The following H6PD variants were observed in gnomAD, a reference collection of about 807,000 sequenced individuals.
The protein encoded by H6PD is hexose-6-phosphate dehydrogenase/glucose 1-dehydrogenase, also known as GDH/6PGL endoplasmic bifunctional protein.
Under a neutral mutation model 61.2 loss-of-function variants are expected in H6PD, and 48 were observed. That is an observed-to-expected ratio of 0.78 (90% CI 0.62 to 1.00). H6PD has a LOEUF of 1.00. H6PD is among the 50% of genes least tolerant of loss of function. The pLI, the probability that H6PD is intolerant of heterozygous loss-of-function variation, is 0.00. For missense variants in H6PD, 1,093 were observed against 1,065.0 expected (o/e 1.03, Z -0.37); for synonymous variants, 480 against 457.9 (o/e 1.05, Z -0.62).
Position 9,244,918 on chromosome 1 carries a change from ACCC to A in H6PD, c.-10-5_-10-3del. On this transcript the variant is annotated splice_region_variant and splice_polypyrimidine_tract_variant and intron_variant, in intron 1 of 4. Coordinates refer to ENST00000377403, the MANE Select transcript of H6PD (RefSeq NM_004285.4). ...TTGTTCCTCGTCTGTCTCTCTTTGC[ACCC>A]CAGGCACCCAGGCATGTGGAATATG... is the stretch of plus-strand genomic sequence containing the variant. 2 of 1,604,770 alleles carry A rather than the reference ACCC, an allele frequency of 1.2e-6. No individual in the cohort carries two copies. The highest frequency in any genetic ancestry group is 1.7e-6 in the Non-Finnish European group (2 of 1,174,042).
chr1:9,238,142 TAGTG>T (rs749184648), intron 1 of H6PD, among the ~76,000 whole-genome samples: 94 of 151,964 alleles, frequency 6.2e-4, no homozygotes, highest in Non-Finnish European at 1.1e-3. Flanking sequence ...AAAGAAAAAT[TAGTG>T]AGGGAGTAAA....
Position 9,245,335 on chromosome 1 carries a change from G to A in H6PD, c.401G>A (p.Arg134Gln), listed in dbSNP as rs763867116. 1.8e-5 allele frequency: 29 copies of A among 1,614,048 alleles called. 1 individual carries two copies. Among genetic ancestry groups the A allele is most frequent in the South Asian group, 6.6e-5 (6 of 91,086 alleles). ...IEAQLQHAGL[R>Q]EAGRIFYFSV... ...GCACAGCTCCAGCACGCAGGCCTCC[G>A]GGAGGCTGGCAGGATCTTCTACTTC... Residue 134 changes from arginine (R) to glutamine (Q), a missense_variant, in exon 2 of 5, where the codon CGG (arginine) becomes CAG (glutamine). Arg to Gln is a conservative substitution (Grantham distance 43). Transcript: ENST00000377403. This position sits in a 1 kb window ranked among gnomAD's most constrained non-coding sequence, Gnocchi z 4.8.
intron 1 of H6PD, among the ~76,000 whole-genome samples, chr1:9,244,487 C>T (rs1641098887): frequency 6.6e-6 from 1 of 152,204 alleles, no homozygotes; most frequent in Non-Finnish European, 1.5e-5. Context: ...GTCCTGCCCT[C>T]TCACTGTTCC....
intron 1 of H6PD, among the ~76,000 whole-genome samples, chr1:9,236,856 T>A (rs1439389789): frequency 1.3e-5 from 2 of 152,108 alleles, no homozygotes; most frequent in African/African-American, 4.8e-5. Context: ...TCCAGAATAT[T>A]CTTATGTAAC....
chr1:9,262,390 A>G, intron 4 of H6PD, 62 bp downstream of exon 4: 1 of 1,457,642 alleles, frequency 6.9e-7, no homozygotes, highest in South Asian at 1.2e-5. Context: ...CAGCTTTCCA[A>G]ATGCAGACGC....
intron 3 of H6PD, among the ~76,000 whole-genome samples, chr1:9,258,229 A>G (rs1209961343): frequency 6.6e-6 from 1 of 151,890 alleles, no homozygotes; most frequent in Non-Finnish European, 1.5e-5. Context: ...TGCTGTTGTT[A>G]CGCTGGTGGT....
chr1:9,256,588 G>A (rs12082862), intron 3 of H6PD, among the ~76,000 whole-genome samples: 3,760 of 152,290 alleles, frequency 0.025, 135 homozygotes, highest in African/African-American at 0.078. Flanking sequence ...CTGGCGCCAT[G>A]GACCCAGAGT....
intron 3 of H6PD, among the ~76,000 whole-genome samples, chr1:9,261,603 A>T (rs984028720): frequency 2.6e-5 from 4 of 152,184 alleles, no homozygotes; most frequent in Non-Finnish European, 5.9e-5. Context: ...AGGATGCAGG[A>T]ACAAAAGTCA....
At position 9,261,650 on chromosome 1, in the gene H6PD, G is replaced by A. The variant is rs151228484; in HGVS notation, c.746-409G>A. On this transcript the variant is annotated intron_variant, in intron 3 of 4. Coordinates refer to ENST00000377403, the MANE Select transcript of H6PD (RefSeq NM_004285.4). ...CAAGATCACATGCTAGTAAGTGGCA[G>A]TCATACTCTGGGGTGCTGCAGCCCC... 3.9e-3 allele frequency among the ~76,000 whole-genome samples: 601 copies of A among 152,314 alleles called. 2 individuals carry two copies. The highest frequency in any genetic ancestry group is 7.0e-3 in the Non-Finnish European group (474 of 68,026).
In H6PD at chr1:9,265,013, C is replaced by T; in HGVS notation, c.*144C>T. 1.2e-6 allele frequency: 1 copy of T among 854,310 alleles called. No homozygotes were observed. The highest frequency in any genetic ancestry group is 2.0e-5 in the Admixed American group (1 of 50,214). 52.9% of individuals were successfully genotyped at this position (854,310 alleles called of 1,614,324 possible). A position where few individuals can be genotyped will look rare whatever the true frequency, so the allele number is the denominator to read the frequency against. ...CAGTCAGGCCCCAGAGAGGGCAGGA[C>T]AAGCCTTGTCCCGATGCCTTTGACC... On this transcript the variant is annotated 3_prime_UTR_variant, in exon 5 of 5. Coordinates refer to ENST00000377403, the MANE Select transcript of H6PD (RefSeq NM_004285.4).
chr1:9,238,130 G>C (rs1206289944), intron 1 of H6PD, among the ~76,000 whole-genome samples: 1 of 152,100 alleles, frequency 6.6e-6, no homozygotes, highest in East Asian at 1.9e-4. Flanking sequence ...TGACATTTTA[G>C]CAAAGAAAAA....
chr1:9,246,768 T>C (rs1641186968), intron 2 of H6PD, among the ~76,000 whole-genome samples, 198 bp from the exon 3 acceptor site: 1 of 152,240 alleles, frequency 6.6e-6, no homozygotes, highest in Non-Finnish European at 1.5e-5. Flanking sequence ...AATACAAATC[T>C]GGTAACCCTT....
chr1:9,258,859 CTGT>C lies in H6PD; in HGVS notation c.746-3195_746-3193del, dbSNP rs548227020. The stretch of plus-strand genomic sequence containing the variant: ...TTGTTGTTATGCTGGTGTTGTGTTA[CTGT>C]TGTTATGTTGTTGTTACGCTGGTGT... On this transcript the variant is annotated intron_variant, in intron 3 of 4. Transcript: ENST00000377403. Among the ~76,000 whole-genome samples the C allele has an allele frequency of 4.7e-3, 692 of 146,592 alleles. 3 individuals are homozygous for C. Among genetic ancestry groups the C allele is most frequent in the African/African-American group, 0.018 (664 of 37,086 alleles).
chr1:9,261,367 C>A (rs1243087322), intron 3 of H6PD, among the ~76,000 whole-genome samples: 1 of 152,172 alleles, frequency 6.6e-6, no homozygotes, highest in East Asian at 1.9e-4. Context: ...GGCTTTGGCA[C>A]CTGAGGGTCC....
chr1:9,247,974 GTTACTAGCCTCC>G (rs1557739853), intron 3 of H6PD, among the ~76,000 whole-genome samples: 1 of 152,214 alleles, frequency 6.6e-6, no homozygotes, highest in Non-Finnish European at 1.5e-5. Flanking sequence ...GGTGGGCGCT[GTTACTAGCCTCC>G]TTACAGATGA....
rs1638699767 is a variant in H6PD at position 9,270,068 on chromosome 1, C to T, written c.*5199C>T. 6.6e-6 allele frequency: 1 copy of T among 152,600 alleles called. No individual in the cohort carries two copies. Among genetic ancestry groups the T allele is most frequent in the South Asian group, 2.1e-4 (1 of 4,828 alleles). 9.5% of individuals were successfully genotyped at this position (152,600 alleles called of 1,614,324 possible). A position where few individuals can be genotyped will look rare whatever the true frequency, so the allele number is the denominator to read the frequency against. ...TTGCCGAAGTGTACCCTCTAGCCAA[C>T]TTTTGGGAGCGCTTCTGTTTGCAAA... On this transcript the variant is annotated 3_prime_UTR_variant, in exon 5 of 5. Coordinates refer to ENST00000377403, the MANE Select transcript of H6PD (RefSeq NM_004285.4).
At chr1:9,240,208 G>A (rs902639552) in intron 1 of H6PD, among the ~76,000 whole-genome samples, 5 of 152,022 alleles carry the variant, frequency 3.3e-5, no homozygotes, top group African/African-American at 1.2e-4. Context: ...GTGTATTTCT[G>A]GCAAGTATCT....
intron 3 of H6PD, among the ~76,000 whole-genome samples, chr1:9,253,680 C>T (rs1236045889): frequency 1.3e-5 from 2 of 152,176 alleles, no homozygotes; most frequent in Non-Finnish European, 2.9e-5. Flanking sequence ...TAGTTTATAC[C>T]TCCAGCCGCC....
intron 4 of H6PD, among the ~76,000 whole-genome samples, chr1:9,263,059 C>T (rs1429417711): frequency 3.3e-5 from 5 of 152,168 alleles, no homozygotes; most frequent in East Asian, 3.9e-4. Flanking sequence ...ACTCTCTCCT[C>T]ACCCCGCACC....
Sources: allele counts gnomAD v4.1 joint callset (sites outside exome capture counted in the v4.1 genomes callset), GRCh38; gene constraint gnomAD v4.1.1; non-coding constraint Gnocchi (gnomAD v3.1); transcripts MANE v1.5; gene names NCBI Gene and HGNC (gene_info 2026-07-23, HGNC 2026-07-21).